FUT8: variants seen among roughly 807,000 people sequenced by gnomAD.
The protein encoded by FUT8 is fucosyltransferase 8.
A neutral mutation model predicts 71.3 loss-of-function variants in FUT8; 29 were observed. That is an observed-to-expected ratio of 0.41 (90% CI 0.30 to 0.55). The LOEUF (loss-of-function observed/expected upper bound fraction) is 0.55, where lower values mean the gene tolerates loss of function less well. Among genes scored for constraint, FUT8 ranks in the 20% least tolerant of loss-of-function variants. FUT8 has a pLI of 0.34. For missense variants in FUT8, 544 were observed against 702.1 expected (o/e 0.77, Z 2.55); for synonymous variants, 254 against 239.3 (o/e 1.06, Z -0.57).
rs1379878614 is a variant in FUT8 at position 65,516,433 on chromosome 14, A to T, written c.-227-44904A>T. ...TTAAAGACATATGGATATGTTGATT[A>T]TAGCCATCTTTAAGTGTTTGTGTTA... On this transcript the variant is annotated intron_variant, in intron 2 of 10. Transcript: ENST00000673929. The T allele has an allele frequency of 2.6e-5, 4 of 152,342 alleles. No individual in the cohort carries two copies. The East Asian group carries it at 7.7e-4, about 29-fold the overall frequency. 9.4% of individuals were successfully genotyped at this position (152,342 alleles called of 1,614,324 possible).
At chr14:65,376,241 G>A in the FUT8 span, among the ~76,000 whole-genome samples, 1 of 152,070 alleles carries the variant, frequency 6.6e-6, no homozygotes, top group Non-Finnish European at 1.5e-5. Flanking sequence ...AATATTACAG[G>A]GCAGTGAGAC....
At chr14:65,731,365 T>A (rs1594946834) in intron 9 of FUT8, among the ~76,000 whole-genome samples, 1 of 152,282 alleles carries the variant, frequency 6.6e-6, no homozygotes, top group East Asian at 1.9e-4. Context: ...CCTTTGTGGA[T>A]GATATAAAAA....
Position 65,520,267 on chromosome 14 carries a change from T to A in FUT8, c.-227-41070T>A, listed in dbSNP as rs566548967. On this transcript the variant is annotated intron_variant, in intron 2 of 10. Coordinates refer to ENST00000673929, the MANE Select transcript of FUT8 (RefSeq NM_001371533.1). ...AAAGAACGGAAGTTTTTAAGTTTTT[T>A]TGTATACTTATAAATTTAATTTGGA... 1.1e-4 allele frequency among the ~76,000 whole-genome samples: 17 copies of A among 152,268 alleles called. No individual in the cohort carries two copies. The South Asian group carries it at 3.3e-3, about 30-fold the overall frequency.
At chr14:65,529,476 A>G (rs550683429) in intron 2 of FUT8, 1 of 152,708 alleles carries the variant, frequency 6.5e-6, no homozygotes, top group East Asian at 1.9e-4. Flanking sequence ...CAGGTGATCC[A>G]TCCATCTTGG....
chr14:65,583,947 T>G (rs1452791339), intron 3 of FUT8, among the ~76,000 whole-genome samples: 1 of 152,186 alleles, frequency 6.6e-6, no homozygotes, highest in East Asian at 1.9e-4. Flanking sequence ...GGGTATAATC[T>G]CAGCTCACTG....
chr14:65,625,064 C>A (rs377673295), intron 5 of FUT8, among the ~76,000 whole-genome samples: 5 of 146,526 alleles, frequency 3.4e-5, no homozygotes, highest in African/African-American at 1.3e-4. Context: ...GAAACTCTGT[C>A]ATAAATAAAT....
Position 65,426,363 on chromosome 14 carries a change from C to A in FUT8, c.-326+13149C>A, listed in dbSNP as rs551677903. Among the ~76,000 whole-genome samples, 14 of 148,308 alleles carry A rather than the reference C, an allele frequency of 9.4e-5. No homozygotes were observed. The South Asian group carries it at 2.8e-3, about 30-fold the overall frequency. ...TTTTTTTGCTTGGCCTCACAAATTACCATAAGATAGATTATCAGGAGAAAA... is the reference window on the plus strand; with the variant it reads ...TTTTTTTGCTTGGCCTCACAAATTAACATAAGATAGATTATCAGGAGAAAA... On this transcript the variant is annotated intron_variant, in intron 1 of 10. Coordinates refer to ENST00000673929, the MANE Select transcript of FUT8 (RefSeq NM_001371533.1).
At chr14:65,432,590 C>T (rs1381323303) in intron 1 of FUT8, among the ~76,000 whole-genome samples, 1 of 152,058 alleles carries the variant, frequency 6.6e-6, no homozygotes, top group Non-Finnish European at 1.5e-5. Flanking sequence ...ACAGTTAAGA[C>T]ATTCTAAGTC....
chr14:65,544,803 A>G (rs1233149519), intron 2 of FUT8, among the ~76,000 whole-genome samples: 2 of 152,152 alleles, frequency 1.3e-5, no homozygotes, highest in South Asian at 4.1e-4. Flanking sequence ...TCATATGTAT[A>G]TACTATGACA....
At chr14:65,734,850 A>G (rs1896142044) in intron 10 of FUT8, among the ~76,000 whole-genome samples, 1 of 152,110 alleles carries the variant, frequency 6.6e-6, no homozygotes, top group Non-Finnish European at 1.5e-5. Context: ...AGGTTTCTCA[A>G]CCAAAGCACT....
chr14:65,677,151 T>TGCGCGCGC (rs1555383259), intron 7 of FUT8, among the ~76,000 whole-genome samples: 15 of 110,744 alleles, frequency 1.4e-4, no homozygotes, highest in African/African-American at 3.0e-4. Flanking sequence ...TGTGTGTGTG[T>TGCGCGCGC]GCGCGCGCGC....
chr14:65,414,135 G>A (rs1341136166), intron 1 of FUT8, among the ~76,000 whole-genome samples: 3 of 152,146 alleles, frequency 2.0e-5, no homozygotes, highest in Admixed American at 6.5e-5. Context: ...GCCAAATTCT[G>A]TAGTACATAA....
the FUT8 span, among the ~76,000 whole-genome samples, chr14:65,400,413 C>T: frequency 6.6e-6 from 1 of 152,202 alleles, no homozygotes; most frequent in Non-Finnish European, 1.5e-5. Flanking sequence ...GTGGCAGAGA[C>T]ATTAGTGTCC....
intron 3 of FUT8, among the ~76,000 whole-genome samples, chr14:65,573,559 A>G (rs865946650): frequency 1.3e-5 from 2 of 152,092 alleles, no homozygotes; most frequent in African/African-American, 4.8e-5. Context: ...AGATTGTGGC[A>G]TACAAAAGGG....
chr14:65,410,694 A>G (rs1448942792), upstream of FUT8: 1 of 151,954 alleles, frequency 6.6e-6, no homozygotes, highest in South Asian at 2.1e-4. Context: ...GCAAATGTAA[A>G]GCTTTGTACT....
chr14:65,735,678 G>A (rs1175765129), intron 10 of FUT8, among the ~76,000 whole-genome samples: 2 of 152,122 alleles, frequency 1.3e-5, no homozygotes, highest in Admixed American at 1.3e-4. Context: ...GTGAGTAGCA[G>A]TTTGCCTAAT....
chr14:65,510,725 T>C (rs939005367), intron 2 of FUT8, among the ~76,000 whole-genome samples: 2 of 152,194 alleles, frequency 1.3e-5, no homozygotes, highest in Non-Finnish European at 2.9e-5. Context: ...TATTTGCTAG[T>C]AGTAGCCACT....
chr14:65,498,825 T>TA (rs1419833721), intron 2 of FUT8, among the ~76,000 whole-genome samples: 1 of 152,168 alleles, frequency 6.6e-6, no homozygotes, highest in Non-Finnish European at 1.5e-5. Flanking sequence ...ATGGAAACAG[T>TA]AGACTTTTTT....
the FUT8 span, among the ~76,000 whole-genome samples, chr14:65,380,601 C>T: frequency 8.5e-5 from 13 of 152,194 alleles, no homozygotes; most frequent in African/African-American, 3.1e-4. Flanking sequence ...TTTATCCCAA[C>T]CTCTCCCAGC....
Sources: allele counts gnomAD v4.1 joint callset (sites outside exome capture counted in the v4.1 genomes callset), GRCh38; gene constraint gnomAD v4.1.1; transcripts MANE v1.5; gene names NCBI Gene and HGNC (gene_info 2026-07-23, HGNC 2026-07-21).